Variants in CCDC179 observed in about 807,000 individuals in gnomAD.
The protein encoded by CCDC179 is coiled-coil domain containing 179.
A neutral mutation model predicts 12.0 loss-of-function variants in CCDC179; 17 were observed. The ratio of observed to expected loss-of-function variants is 1.42; its 90% CI spans 0.97 to 2.13. The LOEUF (loss-of-function observed/expected upper bound fraction) is 2.13, where lower values mean the gene tolerates loss of function less well. Ranked by LOEUF, CCDC179 falls within the 30% of genes most tolerant of loss-of-function variation. The pLI, the probability that CCDC179 is intolerant of heterozygous loss-of-function variation, is 0.00. For missense variants in CCDC179, 83 were observed against 78.6 expected (o/e 1.06, Z -0.21); for synonymous variants, 27 against 26.4 (o/e 1.02, Z -0.07).
Position 22,847,475 on chromosome 11 carries a change from G to A in CCDC179, c.*35C>T. ...GTTCACAATCCACATATTTCTGTCT[G>A]GAGCATGGTTTCCTTCAAATAGACT... On this transcript the variant is annotated 3_prime_UTR_variant, in exon 4 of 4. Coordinates refer to ENST00000532798, the MANE Select transcript of CCDC179 (RefSeq NM_001195637.2). 1.4e-6 allele frequency: 2 copies of A among 1,380,218 alleles called. No homozygotes were observed. The highest frequency in any genetic ancestry group is 1.5e-5 in the South Asian group (1 of 65,918). 85.5% of individuals were successfully genotyped at this position (1,380,218 alleles called of 1,614,324 possible).
chr11:22,854,382 A>G (rs1266060530), intron 3 of CCDC179, among the ~76,000 whole-genome samples: 1 of 151,840 alleles, frequency 6.6e-6, no homozygotes, highest in African/African-American at 2.4e-5. Context: ...TGTTGTTTAT[A>G]TTTTATGGAC....
intron 1 of CCDC179, 24 bp from the exon 2 acceptor site, chr11:22,859,520 C>A: frequency 7.1e-7 from 1 of 1,399,574 alleles, no homozygotes; most frequent in South Asian, 1.7e-5. Context: ...AAAATTAAAA[C>A]ACATTCACAC....
At chr11:22,857,218 A>G (rs1858548464) in intron 3 of CCDC179, among the ~76,000 whole-genome samples, 1 of 151,666 alleles carries the variant, frequency 6.6e-6, no homozygotes, top group Admixed American at 6.6e-5. Flanking sequence ...CCAACACAAC[A>G]TTGAGGGAAA....
intron 3 of CCDC179, among the ~76,000 whole-genome samples, chr11:22,856,849 T>C (rs1858540261): frequency 6.6e-6 from 1 of 151,600 alleles, no homozygotes; most frequent in African/African-American, 2.4e-5. Flanking sequence ...GTAAGTTTAA[T>C]ACAGAAAATT....
chr11:22,857,915 T>C lies in CCDC179; in HGVS notation c.195+7A>G. ...TCTGTTAATTTCAGTGAAACCTCTA[T>C]ACTTACTAGGAGTCCTGGTTCTGGA... On this transcript the variant is annotated splice_region_variant and intron_variant, in intron 3 of 3. Coordinates refer to ENST00000532798, the MANE Select transcript of CCDC179 (RefSeq NM_001195637.2). 2 of 1,411,492 alleles carry C rather than the reference T, an allele frequency of 1.4e-6. No homozygotes were observed. The highest frequency in any genetic ancestry group is 2.5e-5 in the East Asian group (1 of 39,746). 87.4% of individuals were successfully genotyped at this position (1,411,492 alleles called of 1,614,324 possible).
intron 3 of CCDC179, among the ~76,000 whole-genome samples, chr11:22,850,956 ATATATATATATATATATATATTTTTT>A (rs1754356803): frequency 4.8e-4 from 3 of 6,284 alleles, no homozygotes; most frequent in Non-Finnish European, 1.4e-3. Context: ...ATATATATAT[ATATATATATATATATATATATTTTTT>A]TTTTTTTTTT....
chr11:22,848,567 C>T (rs1858287906), intron 3 of CCDC179, among the ~76,000 whole-genome samples: 1 of 152,126 alleles, frequency 6.6e-6, no homozygotes, highest in Admixed American at 6.5e-5. Context: ...AGTTATTTGT[C>T]AAATAAAGTA....
At chr11:22,852,606 G>T (rs1044658150) in intron 3 of CCDC179, among the ~76,000 whole-genome samples, 1 of 152,116 alleles carries the variant, frequency 6.6e-6, no homozygotes, top group East Asian at 1.9e-4. Context: ...ACCCAGAAGT[G>T]GACTCACCTC....
chr11:22,858,928 A>T (rs927067649), intron 2 of CCDC179, among the ~76,000 whole-genome samples: 1 of 152,152 alleles, frequency 6.6e-6, no homozygotes, highest in East Asian at 1.9e-4. Context: ...GATAAATCTT[A>T]GGAAATAATA....
intron 3 of CCDC179, among the ~76,000 whole-genome samples, chr11:22,847,863 T>A (rs1858263105): frequency 6.6e-6 from 1 of 152,172 alleles, no homozygotes; most frequent in Non-Finnish European, 1.5e-5. Flanking sequence ...GTCAAAGTCA[T>A]TTCTATACAT....
chr11:22,857,348 T>G (rs1303873824), intron 3 of CCDC179, among the ~76,000 whole-genome samples: 1 of 151,466 alleles, frequency 6.6e-6, no homozygotes, highest in Non-Finnish European at 1.5e-5. Context: ...AGCTCGGAAA[T>G]AAACCCACAC....
intron 3 of CCDC179, among the ~76,000 whole-genome samples, chr11:22,848,359 G>C (rs917725460): frequency 1.3e-5 from 2 of 152,046 alleles, no homozygotes; most frequent in African/African-American, 4.8e-5. Flanking sequence ...CAGGAGAATT[G>C]CTTGAGCCCG....
At chr11:22,847,789 T>G (rs548207611) in intron 3 of CCDC179, among the ~76,000 whole-genome samples, 215 of 152,212 alleles carry the variant, frequency 1.4e-3, no homozygotes, top group African/African-American at 4.7e-3. Context: ...TCTCTATAAG[T>G]CATACAACAA....
rs1364138834 is a variant in CCDC179, at chr11:22,857,939, G to C, written c.178C>G (p.Pro60Ala). 1.3e-6 allele frequency: 2 copies of C among 1,519,216 alleles called. No homozygotes were observed. Among genetic ancestry groups the C allele is most frequent in the Non-Finnish European group, 8.8e-7 (1 of 1,137,622 alleles). The allele number at this position is 1,519,216 out of a possible 1,614,324, so 94.1% of individuals were successfully genotyped here. The change falls in exon 3 of 4, where the codon CCA becomes GCA. Residue 60 changes from proline (P) to alanine (A), a missense_variant. By Grantham distance (27) the Pro-to-Ala change is conservative. Coordinates refer to ENST00000532798, the MANE Select transcript of CCDC179 (RefSeq NM_001195637.2). ...NKRFSRPSPI[P>A]EPGLLWSS ...ATACTTACTAGGAGTCCTGGTTCTGGAATAGGAGAAGGCCTTGAAAACCTT... is the reference window on the plus strand; with the variant it reads ...ATACTTACTAGGAGTCCTGGTTCTGCAATAGGAGAAGGCCTTGAAAACCTT...
At chr11:22,860,288 G>A in intron 1 of CCDC179, 89 bp downstream of exon 1, 3 of 1,417,468 alleles carry the variant, frequency 2.1e-6, no homozygotes, top group Non-Finnish European at 2.8e-6. Flanking sequence ...ACAAGAGTTA[G>A]AAGCACCATG....
At position 22,850,963 on chromosome 11, in the gene CCDC179, T is replaced by TAC. The variant is rs1564915064; in HGVS notation, c.196-3443_196-3442insGT. On this transcript the variant is annotated intron_variant, in intron 3 of 3. Transcript: ENST00000532798. ...GGCTATATATATATATATATATATA[T>TAC]ATATATATATATATTTTTTTTTTTT... is the stretch of plus-strand genomic sequence containing the variant. Among the ~76,000 whole-genome samples the TAC allele has an allele frequency of 3.5e-4, 7 of 19,756 alleles. 1 individual carries two copies. The highest frequency in any genetic ancestry group is 1.1e-3 in the African/African-American group (7 of 6,406). 13.0% of individuals were successfully genotyped at this position (19,756 alleles called of 152,430 possible).
chr11:22,857,511 C>T (rs1338566670), intron 3 of CCDC179, among the ~76,000 whole-genome samples: 2 of 151,774 alleles, frequency 1.3e-5, no homozygotes, highest in Non-Finnish European at 3.0e-5. Context: ...AACATTAACT[C>T]GCTATGGATC....
chr11:22,855,194 A>C (rs1467891547), intron 3 of CCDC179, among the ~76,000 whole-genome samples: 1 of 151,758 alleles, frequency 6.6e-6, no homozygotes, highest in East Asian at 1.9e-4. Context: ...GAACAGCACC[A>C]TCAGTCAGTT....
chr11:22,859,443 A>G lies in CCDC179; in HGVS notation c.90+9T>C. 1 of 1,484,336 alleles carries G rather than the reference A, an allele frequency of 6.7e-7. No individual in the cohort carries two copies. The highest frequency in any genetic ancestry group is 8.9e-7 in the Non-Finnish European group (1 of 1,117,910). The allele number at this position is 1,484,336 out of a possible 1,614,324, so 91.9% of individuals were successfully genotyped here. Reference sequence around the variant, plus strand: ...ACAACCAGAACCTAGTTCTTTATTTAAACATTACCTGCCGCTCAGTGACCT... The same window carrying G: ...ACAACCAGAACCTAGTTCTTTATTTGAACATTACCTGCCGCTCAGTGACCT... On this transcript the variant is annotated intron_variant, in intron 2 of 3. Transcript: ENST00000532798.
Sources: allele counts gnomAD v4.1 joint callset (sites outside exome capture counted in the v4.1 genomes callset), GRCh38; gene constraint gnomAD v4.1.1; transcripts MANE v1.5; gene names NCBI Gene and HGNC (gene_info 2026-07-23, HGNC 2026-07-21).